Variants in SYN3 observed in about 807,000 individuals in gnomAD.
The protein encoded by SYN3 is synapsin-3.
Under a neutral mutation model 65.8 loss-of-function variants are expected in SYN3, and 35 were observed. That is an observed-to-expected ratio of 0.53 (90% CI 0.41 to 0.70). SYN3 has a LOEUF of 0.70. SYN3 is among the 30% of genes least tolerant of loss of function. The pLI is 0.00. For synonymous variants in SYN3, 270 were observed against 292.9 expected, an observed-to-expected ratio of 0.92 and a Z score of 0.80; for missense variants, 680 against 749.0, an observed-to-expected ratio of 0.91 and a Z score of 1.08.
At chr22:32,848,181 T>C (rs2048122714) in intron 6 of SYN3, among the ~76,000 whole-genome samples, 1 of 152,356 alleles carries the variant, frequency 6.6e-6, no homozygotes, top group Non-Finnish European at 1.5e-5. Flanking sequence ...TCCTCTCCTC[T>C]TTCTGTTCCC....
At chr22:32,719,658 C>T (rs1369446584) in intron 6 of SYN3, among the ~76,000 whole-genome samples, 1 of 152,080 alleles carries the variant, frequency 6.6e-6, no homozygotes, top group East Asian at 1.9e-4. Flanking sequence ...GTCTGAGCAA[C>T]ACAGTGAGAC....
chr22:32,536,001 G>C (rs1402986882), intron 9 of SYN3, among the ~76,000 whole-genome samples: 2 of 152,234 alleles, frequency 1.3e-5, no homozygotes, highest in African/African-American at 4.8e-5. Flanking sequence ...GATTGGAAAA[G>C]GGAAAGTGGA....
intron 1 of SYN3, chr22:33,014,897 G>C (rs781691160): frequency 6.0e-6 from 1 of 167,322 alleles, no homozygotes; most frequent in South Asian, 1.9e-4. Context: ...CCGCCGGGGA[G>C]TTTTGTTCCG....
chr22:32,676,651 C>T (rs1274863352), intron 6 of SYN3, among the ~76,000 whole-genome samples: 6 of 149,802 alleles, frequency 4.0e-5, no homozygotes, highest in Admixed American at 2.0e-4. Context: ...ATTCTCCTGC[C>T]TTAGCCCCCC....
At chr22:32,924,862 T>C (rs978622725) in intron 4 of SYN3, among the ~76,000 whole-genome samples, 5 of 151,860 alleles carry the variant, frequency 3.3e-5, no homozygotes, top group Admixed American at 3.3e-4. Context: ...GAGGCCAAGG[T>C]GGGAGGATCG....
At chr22:32,581,344 G>T (rs2058938821) in intron 7 of SYN3, among the ~76,000 whole-genome samples, 1 of 152,172 alleles carries the variant, frequency 6.6e-6, no homozygotes, top group African/African-American at 2.4e-5. Flanking sequence ...CCTGACCTCA[G>T]GTGATCGGCC....
At chr22:32,643,618 G>A (rs2059938910) in intron 6 of SYN3, among the ~76,000 whole-genome samples, 1 of 146,476 alleles carries the variant, frequency 6.8e-6, no homozygotes, top group African/African-American at 2.6e-5. Flanking sequence ...AGGGAAAAAA[G>A]AGTTATAGTA....
In SYN3 at chr22:32,511,806, CTTA is replaced by C. The variant is rs2057694400; in HGVS notation, c.*1883_*1885del. ...GATCTTTCTTATGTCAGGTCTGCTA[CTTA>C]TTATTGAATCCCAGACCAAGAGTCT... On this transcript the variant is annotated 3_prime_UTR_variant, in exon 14 of 14. Coordinates refer to ENST00000358763, the MANE Select transcript of SYN3 (RefSeq NM_003490.4). Among the ~76,000 whole-genome samples the C allele has an allele frequency of 6.6e-6, 1 of 152,170 alleles. No homozygotes were observed. The highest frequency in any genetic ancestry group is 2.4e-5 in the African/African-American group (1 of 41,426).
intron 1 of SYN3, among the ~76,000 whole-genome samples, chr22:33,051,719 A>AC (rs1228119241): frequency 1.3e-5 from 2 of 152,188 alleles, no homozygotes; most frequent in Non-Finnish European, 2.9e-5. Context: ...CCCCCAAATG[A>AC]CATGATCAAA....
intron 6 of SYN3, among the ~76,000 whole-genome samples, chr22:32,813,515 AC>A (rs57015080): frequency 3.4e-5 from 5 of 147,370 alleles, no homozygotes; most frequent in African/African-American, 1.3e-4. Context: ...ACACACACAC[AC>A]ACACACACAC....
At chr22:32,998,026 CAAAAA>C (rs133930) in intron 2 of SYN3, among the ~76,000 whole-genome samples, 1 of 108,124 alleles carries the variant, frequency 9.2e-6, no homozygotes. Flanking sequence ...GACTCCATCT[CAAAAA>C]AAAAAAAAAA....
chr22:32,697,616 C>T (rs1307588727), intron 6 of SYN3, among the ~76,000 whole-genome samples: 1 of 152,106 alleles, frequency 6.6e-6, no homozygotes, highest in Non-Finnish European at 1.5e-5. Context: ...CCCCAAATCC[C>T]ATGTCTTAAA....
chr22:32,707,265 C>T (rs2060892611), intron 6 of SYN3, among the ~76,000 whole-genome samples: 1 of 152,178 alleles, frequency 6.6e-6, no homozygotes. Flanking sequence ...TTCCTAGCCT[C>T]CTCTGGAGCC....
intron 4 of SYN3, among the ~76,000 whole-genome samples, chr22:32,892,711 C>G (rs1017423371): frequency 1.3e-5 from 2 of 152,182 alleles, no homozygotes; most frequent in African/African-American, 4.8e-5. Context: ...TCACCTCCCA[C>G]CCATCTCCCA....
chr22:32,945,267 A>G (rs1186285151), intron 3 of SYN3, among the ~76,000 whole-genome samples: 1 of 152,244 alleles, frequency 6.6e-6, no homozygotes, highest in African/African-American at 2.4e-5. Flanking sequence ...AACTGGAGGC[A>G]TCACGCTACC....
Position 32,801,653 on chromosome 22 carries a change from G to T in SYN3, c.711+63262C>A, listed in dbSNP as rs1290135344. The T allele has an allele frequency of 6.2e-6, 1 of 161,462 alleles. No homozygotes were observed. Among genetic ancestry groups the T allele is most frequent in the Non-Finnish European group, 1.3e-5 (1 of 74,698 alleles). The allele number at this position is 161,462 out of a possible 1,614,324, so 10.0% of individuals were successfully genotyped here. ...GGGGCGGGCCCCAACAGCCCGAGGC[G>T]GGGTCCCCGGGGGCCCAGCGCTATA... On this transcript the variant is annotated intron_variant, in intron 6 of 13. Coordinates refer to ENST00000358763, the MANE Select transcript of SYN3 (RefSeq NM_003490.4). This position sits in a 1 kb window ranked among gnomAD's most constrained non-coding sequence, Gnocchi z 4.7.
intron 6 of SYN3, among the ~76,000 whole-genome samples, chr22:32,617,591 G>A (rs146528279): frequency 6.6e-6 from 1 of 152,084 alleles, no homozygotes; most frequent in African/African-American, 2.4e-5. Flanking sequence ...TGGGACCCAG[G>A]GCTGAAAGGT....
chr22:32,996,374 C>G (rs1236601590), intron 2 of SYN3, among the ~76,000 whole-genome samples: 1 of 152,120 alleles, frequency 6.6e-6, no homozygotes, highest in Non-Finnish European at 1.5e-5. Context: ...AGGAGAGGAA[C>G]TCGGCACTCT....
intron 6 of SYN3, among the ~76,000 whole-genome samples, chr22:32,757,132 C>T (rs1218842061): frequency 6.6e-6 from 1 of 151,914 alleles, no homozygotes; most frequent in Non-Finnish European, 1.5e-5. Flanking sequence ...TAGTGATCCA[C>T]TAGCATGATT....
Sources: allele counts gnomAD v4.1 joint callset (sites outside exome capture counted in the v4.1 genomes callset), GRCh38; gene constraint gnomAD v4.1.1; non-coding constraint Gnocchi (gnomAD v3.1); transcripts MANE v1.5; gene names NCBI Gene and HGNC (gene_info 2026-07-23, HGNC 2026-07-21).